TLK1: variants seen among roughly 807,000 people sequenced by gnomAD.
TLK1 encodes serine/threonine-protein kinase tousled-like 1.
In TLK1, 24 loss-of-function variants were observed where a neutral mutation model predicts 105.3. The ratio of observed to expected loss-of-function variants is 0.23; its 90% CI spans 0.17 to 0.32. The LOEUF (loss-of-function observed/expected upper bound fraction) is 0.32, where lower values mean the gene tolerates loss of function less well. TLK1 is among the 10% of genes least tolerant of loss of function. The pLI, the probability that TLK1 is intolerant of heterozygous loss-of-function variation, is 1.00. For missense variants in TLK1, 558 were observed against 910.5 expected (o/e 0.61, Z 4.98); for synonymous variants, 321 against 310.4 (o/e 1.03, Z -0.36).
rs186124543 is a variant in TLK1 at position 171,030,937 on chromosome 2, T to G, written c.1170-2532A>C. Among the ~76,000 whole-genome samples the G allele has an allele frequency of 2.6e-5, 4 of 152,262 alleles. No individual in the cohort carries two copies. The East Asian group carries it at 5.8e-4, about 22-fold the overall frequency. ...TGCACATGGCTAGACTCTGTGCAAT[T>G]TAGGAGAAACGCTATTTTGTTGTTG... On this transcript the variant is annotated intron_variant, in intron 11 of 20. Transcript: ENST00000431350.
intron 2 of TLK1, among the ~76,000 whole-genome samples, chr2:171,103,283 AT>A (rs964633208): frequency 2.5e-5 from 3 of 120,450 alleles, no homozygotes; most frequent in African/African-American, 1.4e-4. Flanking sequence ...TATATATATA[AT>A]TTTTTTTGAG....
intron 18 of TLK1, among the ~76,000 whole-genome samples, chr2:171,004,538 A>T (rs1247040237): frequency 6.6e-6 from 1 of 152,232 alleles, no homozygotes; most frequent in Non-Finnish European, 1.5e-5. Context: ...TCCTTCCAGT[A>T]CAGCCCCTGA....
rs71401413 is a variant in TLK1 at position 171,227,568 on chromosome 2, C to CTTTTTTTTTT, written c.-6+3567_-6+3576dup. On this transcript the variant is annotated intron_variant, in intron 1 of 20. Transcript: ENST00000521943. ...AGTTAGTCATGAGTTAGTAAATCTC[C>CTTTTTTTTTT]TTTTTTTTTTTTTTTTTTTTTTTTT... is the stretch of plus-strand genomic sequence containing the variant. 3.8e-3 allele frequency among the ~76,000 whole-genome samples: 210 copies of CTTTTTTTTTT among 55,518 alleles called. 16 individuals are homozygous for CTTTTTTTTTT. The highest frequency in any genetic ancestry group is 4.2e-3 in the Non-Finnish European group (127 of 30,288). 36.4% of individuals were successfully genotyped at this position (55,518 alleles called of 152,430 possible).
Position 170,996,698 on chromosome 2 carries a change from T to C in TLK1, c.2079A>G (p.Thr693=). The change falls in exon 20 of 21, where the codon ACA becomes ACG. Residue 693 remains threonine, a synonymous_variant. Transcript: ENST00000431350. ...CCGGTTTTACAGGGAACTGGACTTC[T>C]GTGGCTTTTAATATTGTATTTTCTT... ...ILQENTILKA[T]EVQFPVKPVV... 1.2e-6 allele frequency: 2 copies of C among 1,614,096 alleles called. No homozygotes were observed. Among genetic ancestry groups the C allele is most frequent in the Non-Finnish European group, 1.7e-6 (2 of 1,180,004 alleles).
intron 11 of TLK1, among the ~76,000 whole-genome samples, chr2:171,036,506 C>T (rs776563840): frequency 4.6e-5 from 7 of 152,198 alleles, no homozygotes; most frequent in Non-Finnish European, 8.8e-5. Flanking sequence ...GGCAGAAGCA[C>T]AGAAGATCAT....
chr2:171,182,922 CAAAAAAA>C (rs756752409), intron 1 of TLK1, among the ~76,000 whole-genome samples: 1 of 61,450 alleles, frequency 1.6e-5, no homozygotes, highest in African/African-American at 4.8e-5. Context: ...ACCCTGACTC[CAAAAAAA>C]AAAAAAAAAG....
intron 3 of TLK1, among the ~76,000 whole-genome samples, chr2:171,066,392 C>T (rs2105453762): frequency 6.6e-6 from 1 of 152,106 alleles, no homozygotes; most frequent in East Asian, 1.9e-4. Flanking sequence ...TGGTAGAACA[C>T]CAGTAAGAAG....
chr2:171,107,365 C>T (rs547989858), intron 2 of TLK1, among the ~76,000 whole-genome samples: 1 of 152,280 alleles, frequency 6.6e-6, no homozygotes, highest in South Asian at 2.1e-4. Flanking sequence ...TGTAAGTATA[C>T]TGCTCTTGAA....
chr2:171,000,509 G>A (rs1684312160), intron 18 of TLK1, among the ~76,000 whole-genome samples: 1 of 151,400 alleles, frequency 6.6e-6, no homozygotes, highest in South Asian at 2.1e-4. Flanking sequence ...CTTATAGTAA[G>A]CTAGAAGAAA....
At chr2:171,059,711 C>T (rs1687655038) in intron 4 of TLK1, among the ~76,000 whole-genome samples, 1 of 152,136 alleles carries the variant, frequency 6.6e-6, no homozygotes, top group Non-Finnish European at 1.5e-5. Flanking sequence ...GACAATTTAT[C>T]CACAGACTGC....
In TLK1 at chr2:171,194,677, C is replaced by T. The variant is rs528319242; in HGVS notation, c.-6+36468G>A. 8.6e-5 allele frequency among the ~76,000 whole-genome samples: 13 copies of T among 150,738 alleles called. No homozygotes were observed. The East Asian group carries it at 1.5e-3, about 18-fold the overall frequency. On this transcript the variant is annotated intron_variant, in intron 1 of 20. Coordinates refer to the TLK1 transcript ENST00000521943. The stretch of plus-strand genomic sequence containing the variant: ...CTAAAAATACAAAAAATTAGCCGGG[C>T]GTGGTAGCGGGCGCCTGTAGTCCCA...
intron 1 of TLK1, among the ~76,000 whole-genome samples, chr2:171,182,666 TC>T (rs1290383799): frequency 6.6e-6 from 1 of 151,974 alleles, no homozygotes; most frequent in Non-Finnish European, 1.5e-5. Flanking sequence ...ACACCAGTAA[TC>T]CCAACACTTT....
intron 1 of TLK1, among the ~76,000 whole-genome samples, chr2:171,218,516 G>A (rs1214669728): frequency 6.6e-6 from 1 of 151,978 alleles, no homozygotes; most frequent in East Asian, 2.0e-4. Flanking sequence ...GTTCATTTAT[G>A]CTGCTATAAC....
At chr2:171,213,644 G>T (rs1412765289) in intron 1 of TLK1, among the ~76,000 whole-genome samples, 1 of 150,896 alleles carries the variant, frequency 6.6e-6, no homozygotes, top group Admixed American at 6.6e-5. Context: ...AAAAACATTA[G>T]CTGGGCATGA....
intron 13 of TLK1, among the ~76,000 whole-genome samples, chr2:171,013,318 C>CTTTTTTTTTT (rs774923512): frequency 3.1e-4 from 23 of 74,154 alleles, no homozygotes; most frequent in African/African-American, 1.2e-3. Flanking sequence ...TGGCCCCTCA[C>CTTTTTTTTTT]TTTTTTTTTT....
chr2:171,006,051 T>C lies in TLK1; in HGVS notation c.1904+96A>G. ...ATCAGTACCTTTACCACAGTAATCT[T>C]AATGGCTACATGGAAATAAAAAAAA... On this transcript the variant is annotated intron_variant, in intron 18 of 20. Transcript: ENST00000431350. 3 of 1,274,660 alleles carry C rather than the reference T, an allele frequency of 2.4e-6. No homozygotes were observed. The African/African-American group carries it at 4.6e-5, about 20-fold the overall frequency. The allele number at this position is 1,274,660 out of a possible 1,614,324, so 79.0% of individuals were successfully genotyped here.
rs553945183 is a variant in TLK1, at chr2:171,195,226, G to T, written c.-6+35919C>A. 4.5e-4 allele frequency among the ~76,000 whole-genome samples: 69 copies of T among 152,060 alleles called. 1 individual carries two copies. The South Asian group carries it at 0.012, about 26-fold the overall frequency. ...TACTTGTATAAAACATAATCCGGCC[G>T]GGCGCGGTGGCTCACGCCTGTAATC... On this transcript the variant is annotated intron_variant, in intron 1 of 20. Transcript: ENST00000521943.
At chr2:171,100,656 A>AT (rs1689649579) in intron 2 of TLK1, among the ~76,000 whole-genome samples, 1 of 152,134 alleles carries the variant, frequency 6.6e-6, no homozygotes, top group African/African-American at 2.4e-5. Flanking sequence ...ACAGGCTATA[A>AT]TTTAAAAAGA....
chr2:171,219,407 C>T (rs1043036717), intron 1 of TLK1, among the ~76,000 whole-genome samples: 2 of 152,144 alleles, frequency 1.3e-5, no homozygotes, highest in African/African-American at 2.4e-5. Context: ...GCTGCTATAA[C>T]AAAATACCAT....
Sources: gnomAD v4.1 joint callset for allele counts (sites outside exome capture counted in the v4.1 genomes callset) on GRCh38, gnomAD v4.1.1 for gene constraint, MANE v1.5 for transcripts, NCBI Gene and HGNC (gene_info 2026-07-23, HGNC 2026-07-21) for gene names.